Variants in MEX3C observed in about 807,000 individuals in gnomAD.
MEX3C encodes the protein RNA-binding E3 ubiquitin-protein ligase MEX3C.
MEX3C carries 15 observed loss-of-function variants against 35.5 expected under a neutral mutation model. The ratio of observed to expected loss-of-function variants is 0.42; its 90% CI spans 0.28 to 0.65. MEX3C has a LOEUF of 0.65. Among genes scored for constraint, MEX3C ranks in the 30% least tolerant of loss-of-function variants. The pLI, the probability that MEX3C is intolerant of heterozygous loss-of-function variation, is 0.20. For missense variants in MEX3C, 711 were observed against 842.8 expected, an observed-to-expected ratio of 0.84 and a Z score of 1.94; for synonymous variants, 390 against 352.8, an observed-to-expected ratio of 1.11 and a Z score of -1.18.
At position 51,175,311 on chromosome 18, in the gene MEX3C, G is replaced by A. The variant is rs892589212; in HGVS notation, c.*1040C>T. The A allele has an allele frequency of 1.3e-5, 2 of 152,568 alleles. No homozygotes were observed. Among genetic ancestry groups the A allele is most frequent in the African/African-American group, 2.4e-5 (1 of 41,422 alleles). The allele number at this position is 152,568 out of a possible 1,614,324, so 9.5% of individuals were successfully genotyped here. On this transcript the variant is annotated 3_prime_UTR_variant, in exon 2 of 2. Transcript: ENST00000406189. ...ATAGACATCCACAGGTGAAATGTAC[G>A]AGTATATTTTAAATAAATCTTTCCT...
chr18:51,187,887 C>G (rs868071770), intron 1 of MEX3C, among the ~76,000 whole-genome samples: 102 of 152,220 alleles, frequency 6.7e-4, no homozygotes, highest in African/African-American at 2.3e-3. Context: ...ACATAAAATA[C>G]TGTATTAAGG....
chr18:51,196,244 C>T (rs1330266658), intron 1 of MEX3C: 8 of 440,754 alleles, frequency 1.8e-5, no homozygotes, highest in Non-Finnish European at 3.2e-5. Flanking sequence ...TCCTCGAGCC[C>T]GACCTTTTAC....
intron 1 of MEX3C, among the ~76,000 whole-genome samples, chr18:51,191,551 A>G (rs539796713): frequency 1.3e-5 from 2 of 152,310 alleles, no homozygotes; most frequent in Admixed American, 6.5e-5. Flanking sequence ...AGGCATTCAG[A>G]TATCCGTTGG....
intron 1 of MEX3C, among the ~76,000 whole-genome samples, chr18:51,190,871 A>G (rs1912636473): frequency 6.6e-6 from 1 of 152,188 alleles, no homozygotes; most frequent in Admixed American, 6.6e-5. Context: ...GCATGGGGAA[A>G]ATGTTAAAAG....
At position 51,196,860 on chromosome 18, in the gene MEX3C, G is replaced by A. The variant is rs1912810088; in HGVS notation, c.461C>T (p.Thr154Ile). The change falls in exon 1 of 2, where the codon ACC becomes ATC. Residue 154 changes from threonine (T) to isoleucine (I), a missense_variant. Coordinates refer to ENST00000406189, the MANE Select transcript of MEX3C (RefSeq NM_016626.5). ...CAGGGACCCGCCCGGGATCTGCTGG[G>A]TCTGAGAGGCGGTGGCCGCGGGCGG... is the stretch of plus-strand genomic sequence containing the variant. Reference protein sequence around the residue: ...LSPPAATASQTQQIPGGSLGS... With the variant: ...LSPPAATASQIQQIPGGSLGS... The A allele has an allele frequency of 9.1e-6, 14 of 1,539,240 alleles. No individual in the cohort carries two copies. Among genetic ancestry groups the A allele is most frequent in the Non-Finnish European group, 1.1e-5 (13 of 1,145,624 alleles).
intron 1 of MEX3C, among the ~76,000 whole-genome samples, chr18:51,178,027 A>ATTT (rs1912341316): frequency 6.6e-6 from 1 of 152,210 alleles, no homozygotes; most frequent in African/African-American, 2.4e-5. Flanking sequence ...TATCTAAATT[A>ATTT]CTGCATAAAC....
chr18:51,178,784 C>T (rs1217856775), intron 1 of MEX3C, among the ~76,000 whole-genome samples: 3 of 149,900 alleles, frequency 2.0e-5, no homozygotes, highest in African/African-American at 7.4e-5. Context: ...TGCTCGAACC[C>T]GGGGGACAGA....
At chr18:51,179,543 T>C (rs1298166731) in intron 1 of MEX3C, among the ~76,000 whole-genome samples, 1 of 150,418 alleles carries the variant, frequency 6.6e-6, no homozygotes, top group Non-Finnish European at 1.5e-5. Context: ...TCTTTGAGCA[T>C]TATGCTGGTG....
intron 1 of MEX3C, among the ~76,000 whole-genome samples, chr18:51,179,652 G>A (rs1319112808): frequency 6.6e-6 from 1 of 152,188 alleles, no homozygotes. Context: ...CAGCCTGTAT[G>A]TGCTTTTGTT....
chr18:51,196,767 C>CCCGCCG lies in MEX3C; in HGVS notation c.548_553dup (p.Ala183_Ala184dup), dbSNP rs530602218. 64 of 1,486,450 alleles carry CCCGCCG rather than the reference C, an allele frequency of 4.3e-5. No homozygotes were observed. In the East Asian group the frequency reaches 7.4e-4, roughly 17 times the overall value. The allele number at this position is 1,486,450 out of a possible 1,614,324, so 92.1% of individuals were successfully genotyped here. On this transcript the variant is annotated inframe_insertion, in exon 1 of 2. Transcript: ENST00000406189. The stretch of plus-strand genomic sequence containing the variant: ...GGCATCGTCCCCTCCGTACAGCACC[C>CCCGCCG]CCGCCGCCGCCGCCGCGGCCGCCGC...
chr18:51,194,563 A>G (rs1156437628), intron 1 of MEX3C: 1 of 152,246 alleles, frequency 6.6e-6, no homozygotes, highest in Non-Finnish European at 1.5e-5. Flanking sequence ...AGGGCCATTT[A>G]GCAGTGCTTT....
In MEX3C at chr18:51,174,994, A is replaced by G. The variant is rs1006114187; in HGVS notation, c.*1357T>C. The G allele has an allele frequency of 1.3e-5, 2 of 152,688 alleles. No individual in the cohort carries two copies. The allele number at this position is 152,688 out of a possible 1,614,324, so 9.5% of individuals were successfully genotyped here. A position where few individuals can be genotyped will look rare whatever the true frequency, so the allele number is the denominator to read the frequency against. ...TACTATCCTACAAGCAATTAGCATT[A>G]CATCATAATATGCCATCAAGGCAAC... On this transcript the variant is annotated 3_prime_UTR_variant, in exon 2 of 2. Coordinates refer to ENST00000406189, the MANE Select transcript of MEX3C (RefSeq NM_016626.5).
In MEX3C at chr18:51,176,854, C is replaced by G; in HGVS notation, c.1477G>C (p.Ala493Pro). The G allele has an allele frequency of 6.2e-7, 1 of 1,614,006 alleles. No individual in the cohort carries two copies. The highest frequency in any genetic ancestry group is 8.5e-7 in the Non-Finnish European group (1 of 1,179,892). ...GAGTCAAAGGCAGGAGAGTCAACTG[C>G]TAGGTCTTCTGAGCCTACAGATGGT... Reference protein sequence around the residue: ...TLPSVGSEDLAVDSPAFDSLP... With the variant: ...TLPSVGSEDLPVDSPAFDSLP... Residue 493 changes from alanine to proline, a missense_variant, in exon 2 of 2, where the codon GCA becomes CCA. Physicochemically the swap from Ala to Pro is conservative, Grantham distance 27. Transcript: ENST00000406189.
chr18:51,197,250 GGC>G lies in MEX3C; in HGVS notation c.69_70del (p.Pro24AlafsTer230). On this transcript the variant is annotated frameshift_variant, in exon 1 of 2. Coordinates refer to ENST00000406189, the MANE Select transcript of MEX3C (RefSeq NM_016626.5). LOFTEE classifies it high-confidence loss of function. ...CAGAGGCGGCGGTGGCGGCGGCGGCGGCGGGGGCGGCTGCGGCAGGGGGGCCG... is the reference window on the plus strand; with the variant it reads ...CAGAGGCGGCGGTGGCGGCGGCGGCGGGGGGCGGCTGCGGCAGGGGGGCCG... 1 of 963,884 alleles carries G rather than the reference GGC, an allele frequency of 1.0e-6. No homozygotes were observed. Among genetic ancestry groups the G allele is most frequent in the Non-Finnish European group, 1.2e-6 (1 of 812,220 alleles). 59.7% of individuals were successfully genotyped at this position (963,884 alleles called of 1,614,324 possible). A position where few individuals can be genotyped will look rare whatever the true frequency, so the allele number is the denominator to read the frequency against.
intron 1 of MEX3C, among the ~76,000 whole-genome samples, chr18:51,191,674 A>G (rs536871594): frequency 2.6e-4 from 40 of 152,320 alleles, no homozygotes; most frequent in Non-Finnish European, 3.5e-4. Context: ...TACCTTAACA[A>G]AAGTAATGTG....
intron 1 of MEX3C, among the ~76,000 whole-genome samples, chr18:51,191,172 AC>A (rs1397349392): frequency 1.3e-5 from 2 of 152,208 alleles, no homozygotes; most frequent in Admixed American, 6.5e-5. Flanking sequence ...ATAAAATAGT[AC>A]TGTAGTAGTC....
At chr18:51,185,151 G>A (rs769950530) in intron 1 of MEX3C, among the ~76,000 whole-genome samples, 10 of 152,238 alleles carry the variant, frequency 6.6e-5, no homozygotes, top group Non-Finnish European at 1.2e-4. Context: ...CAAGGGCTAT[G>A]TTCCTTGCAA....
In MEX3C at chr18:51,176,295, T is replaced by C. The variant is rs963076580; in HGVS notation, c.*56A>G. 3 of 1,451,322 alleles carry C rather than the reference T, an allele frequency of 2.1e-6. No individual in the cohort carries two copies. The highest frequency in any genetic ancestry group is 2.2e-5 in the Admixed American group (1 of 46,316). The allele number at this position is 1,451,322 out of a possible 1,614,324, so 89.9% of individuals were successfully genotyped here. A position where few individuals can be genotyped will look rare whatever the true frequency, so the allele number is the denominator to read the frequency against. The stretch of plus-strand genomic sequence containing the variant: ...GGAAGTTTACTGGGGGGTACCATTA[T>C]ACCCATGCCTTTACGAGTCCATATA... On this transcript the variant is annotated 3_prime_UTR_variant, in exon 2 of 2. Coordinates refer to ENST00000406189, the MANE Select transcript of MEX3C (RefSeq NM_016626.5).
intron 1 of MEX3C, among the ~76,000 whole-genome samples, chr18:51,182,041 T>G (rs117573324): frequency 6.6e-6 from 1 of 152,304 alleles, no homozygotes; most frequent in East Asian, 1.9e-4. Context: ...ATAGTCCAAA[T>G]GCAGGTGGGT....
Sources: allele counts gnomAD v4.1 joint callset (sites outside exome capture counted in the v4.1 genomes callset), GRCh38; gene constraint gnomAD v4.1.1; transcripts MANE v1.5; gene names NCBI Gene and HGNC (gene_info 2026-07-23, HGNC 2026-07-21).